Variants in FAM185A observed in about 807,000 individuals in gnomAD.
The protein encoded by FAM185A is family with sequence similarity 185 member A, also known as protein FAM185A.
FAM185A carries 21 observed loss-of-function variants against 45.7 expected under a neutral mutation model. The observed-to-expected ratio is 0.46, with a 90% confidence interval of 0.33 to 0.66. The LOEUF is 0.66. Among genes scored for constraint, FAM185A ranks in the 30% least tolerant of loss-of-function variants. The probability of loss-of-function intolerance (pLI) is 0.03; values close to 1 mark genes in which losing one functional copy is unlikely to be tolerated. For synonymous variants in FAM185A, 117 were observed against 194.0 expected (o/e 0.60, Z 3.30); for missense variants, 305 against 485.4 (o/e 0.63, Z 3.49).
At chr7:102,758,427 CTTTTTTTTTTT>C (rs869220298) in intron 3 of FAM185A, among the ~76,000 whole-genome samples, 1,027 of 45,822 alleles carry the variant, frequency 0.022, 15 homozygotes, top group African/African-American at 0.066. Context: ...GCTCTCACAG[CTTTTTTTTTTT>C]TTTTTTTTTT....
At chr7:102,771,205 C>G (rs1246023508) in intron 4 of FAM185A, among the ~76,000 whole-genome samples, 2 of 151,808 alleles carry the variant, frequency 1.3e-5, no homozygotes, top group African/African-American at 2.4e-5. Context: ...CTGGAGTCTA[C>G]TAGATGGGGG....
chr7:102,761,147 G>T (rs1357139645), intron 3 of FAM185A, 126 bp from the exon 4 acceptor site: 1 of 825,336 alleles, frequency 1.2e-6, no homozygotes, highest in East Asian at 3.1e-5. Flanking sequence ...GGGAATCAGA[G>T]TCAATAAAGT....
chr7:102,835,016 G>A, the FAM185A span, among the ~76,000 whole-genome samples: 1 of 151,846 alleles, frequency 6.6e-6, no homozygotes, highest in Non-Finnish European at 1.5e-5. Flanking sequence ...CTACTATCAG[G>A]ATTTGCACAT....
the FAM185A span, among the ~76,000 whole-genome samples, chr7:102,843,907 G>A: frequency 9.2e-5 from 14 of 152,302 alleles, no homozygotes; most frequent in Admixed American, 8.5e-4. Flanking sequence ...CTCTACTGCC[G>A]TTTATACTCC....
chr7:102,832,729 C>A, the FAM185A span: 1 of 1,295,654 alleles, frequency 7.7e-7, no homozygotes, highest in South Asian at 2.3e-5. Flanking sequence ...CAATGAATAC[C>A]TCAACCATGG....
intron 6 of FAM185A, among the ~76,000 whole-genome samples, chr7:102,782,530 A>G (rs1269553243): frequency 1.3e-5 from 2 of 152,216 alleles, no homozygotes; most frequent in African/African-American, 2.4e-5. Flanking sequence ...TCAACCCAGA[A>G]TTTCATATCC....
the FAM185A span, among the ~76,000 whole-genome samples, chr7:102,833,824 A>G: frequency 6.6e-6 from 1 of 152,148 alleles, no homozygotes; most frequent in East Asian, 1.9e-4. Flanking sequence ...AGGCCTGGAA[A>G]TCATTCCCTT....
At chr7:102,835,614 T>TG in the FAM185A span, among the ~76,000 whole-genome samples, 3 of 92,152 alleles carry the variant, frequency 3.3e-5, no homozygotes, top group South Asian at 3.2e-4. Flanking sequence ...TTTTTTTTTT[T>TG]TTTTTTTTTT....
intron 7 of FAM185A, among the ~76,000 whole-genome samples, chr7:102,788,217 C>A (rs1206159340): frequency 1.3e-5 from 2 of 152,176 alleles, no homozygotes; most frequent in Non-Finnish European, 2.9e-5. Flanking sequence ...GATCAGCCCA[C>A]CTCAGCCTCC....
At chr7:102,787,803 G>A (rs531185119) in intron 7 of FAM185A, among the ~76,000 whole-genome samples, 1 of 152,186 alleles carries the variant, frequency 6.6e-6, no homozygotes, top group Non-Finnish European at 1.5e-5. Context: ...CTAACTTCGT[G>A]TGACTGGAGT....
chr7:102,780,895 G>T (rs923985008), intron 6 of FAM185A, among the ~76,000 whole-genome samples: 11 of 152,168 alleles, frequency 7.2e-5, no homozygotes, highest in African/African-American at 2.7e-4. Context: ...AGGGGTCAGG[G>T]AATACCCTTT....
intron 7 of FAM185A, among the ~76,000 whole-genome samples, chr7:102,787,899 TG>T (rs1471773441): frequency 2.6e-5 from 4 of 152,234 alleles, no homozygotes; most frequent in African/African-American, 9.6e-5. Context: ...GAATCGTTTT[TG>T]TACATTTTTC....
At chr7:102,806,456 A>G (rs1321945632) in intron 7 of FAM185A, among the ~76,000 whole-genome samples, 1 of 152,184 alleles carries the variant, frequency 6.6e-6, no homozygotes, top group Non-Finnish European at 1.5e-5. Context: ...AAGTGCTGGG[A>G]TTACAGGCCT....
At chr7:102,769,929 G>A (rs1025518161) in intron 4 of FAM185A, among the ~76,000 whole-genome samples, 3 of 151,978 alleles carry the variant, frequency 2.0e-5, no homozygotes. Flanking sequence ...CATGAGGGTA[G>A]AGCCCTCATG....
chr7:102,786,187 G>C (rs1477802474), intron 6 of FAM185A, among the ~76,000 whole-genome samples: 1 of 152,172 alleles, frequency 6.6e-6, no homozygotes, highest in Non-Finnish European at 1.5e-5. Flanking sequence ...AACAACAGGT[G>C]CTGGAGAGGA....
At chr7:102,755,426 A>C in intron 2 of FAM185A, 1 of 623,406 alleles carries the variant, frequency 1.6e-6, no homozygotes, top group Non-Finnish European at 2.8e-6. Flanking sequence ...ACAGCTACTC[A>C]GCTGCTTAAG....
chr7:102,800,108 G>C (rs1466082561), intron 7 of FAM185A, among the ~76,000 whole-genome samples: 2 of 152,160 alleles, frequency 1.3e-5, no homozygotes, highest in African/African-American at 4.8e-5. Flanking sequence ...TACCAGCCCA[G>C]AGCCTGGTAG....
intron 6 of FAM185A, among the ~76,000 whole-genome samples, chr7:102,784,937 T>G (rs1795679654): frequency 6.6e-6 from 1 of 152,170 alleles, no homozygotes; most frequent in Non-Finnish European, 1.5e-5. Flanking sequence ...GAAAACCCCA[T>G]CGTCTCAGCC....
intron 7 of FAM185A, among the ~76,000 whole-genome samples, chr7:102,803,556 CA>C (rs1796925722): frequency 6.6e-6 from 1 of 152,126 alleles, no homozygotes; most frequent in Non-Finnish European, 1.5e-5. Context: ...CCATCTATGA[CA>C]AACCCACAGC....
Sources: gnomAD v4.1 joint callset for allele counts (sites outside exome capture counted in the v4.1 genomes callset) on GRCh38, gnomAD v4.1.1 for gene constraint, MANE v1.5 for transcripts, NCBI Gene and HGNC (gene_info 2026-07-23, HGNC 2026-07-21) for gene names.